Variants in SVEP1 observed in about 807,000 individuals in gnomAD.
SVEP1 encodes the protein sushi, von Willebrand factor type A, EGF and pentraxin domain-containing protein 1.
Under a neutral mutation model 367.3 loss-of-function variants are expected in SVEP1, and 164 were observed. That is an observed-to-expected ratio of 0.45 (90% CI 0.39 to 0.51). The LOEUF (loss-of-function observed/expected upper bound fraction) is 0.51, where lower values mean the gene tolerates loss of function less well. SVEP1 is among the 20% of genes least tolerant of loss of function. SVEP1 has a pLI of 0.00. For missense variants in SVEP1, 4,117 were observed against 4,425.3 expected (o/e 0.93, Z 1.98); for synonymous variants, 1,666 against 1,611.6 (o/e 1.03, Z -0.81).
At chr9:110,557,114 A>T (rs896414692) in intron 1 of SVEP1, among the ~76,000 whole-genome samples, 1 of 152,126 alleles carries the variant, frequency 6.6e-6, no homozygotes, top group Non-Finnish European at 1.5e-5. Context: ...AAGGCTGTTA[A>T]TGGTTTTATA....
chr9:110,471,313 C>T, intron 16 of SVEP1, 51 bp downstream of exon 16: 1 of 1,464,508 alleles, frequency 6.8e-7, no homozygotes, highest in Non-Finnish European at 9.5e-7. Flanking sequence ...ACACCCATCT[C>T]ATTTGACCCA....
intron 44 of SVEP1, 148 bp downstream of exon 44, chr9:110,379,199 A>G: frequency 1.1e-6 from 1 of 906,614 alleles, no homozygotes; most frequent in Non-Finnish European, 1.6e-6. Context: ...AAACCATAAC[A>G]TTAAAAGAAA....
chr9:110,442,035 A>T (rs1828516612), intron 27 of SVEP1, among the ~76,000 whole-genome samples: 1 of 152,130 alleles, frequency 6.6e-6, no homozygotes, highest in African/African-American at 2.4e-5. Flanking sequence ...ATCTTTTTCT[A>T]GCGCTTTCAA....
chr9:110,417,184 C>G (rs1288845740), intron 36 of SVEP1, among the ~76,000 whole-genome samples: 1 of 150,376 alleles, frequency 6.6e-6, no homozygotes, highest in African/African-American at 2.5e-5. Context: ...CGGGTGATTT[C>G]TGCATTTCCA....
chr9:110,476,082 C>T, intron 14 of SVEP1, 122 bp downstream of exon 14: 1 of 606,512 alleles, frequency 1.6e-6, no homozygotes, highest in Non-Finnish European at 2.9e-6. Context: ...ATTTAGCCAT[C>T]CTAAAATACT....
intron 1 of SVEP1, among the ~76,000 whole-genome samples, chr9:110,558,480 C>T (rs1830382021): frequency 7.0e-6 from 1 of 143,072 alleles, no homozygotes; most frequent in South Asian, 2.2e-4. Context: ...TGCCACTGCA[C>T]TCCAGCCTGG....
At chr9:110,470,995 G>A (rs570431317) in intron 16 of SVEP1, among the ~76,000 whole-genome samples, 39 of 152,072 alleles carry the variant, frequency 2.6e-4, no homozygotes, top group Non-Finnish European at 3.2e-4. Flanking sequence ...TTTCTCATCC[G>A]TAAAATGTGT....
At chr9:110,416,576 TGAGA>T (rs1828124459) in intron 36 of SVEP1, among the ~76,000 whole-genome samples, 1 of 151,548 alleles carries the variant, frequency 6.6e-6, no homozygotes, top group South Asian at 2.1e-4. Flanking sequence ...AAAGAGAAAG[TGAGA>T]AACAGAAAAT....
At chr9:110,373,816 A>C (rs1292698679) in intron 46 of SVEP1, among the ~76,000 whole-genome samples, 1 of 152,166 alleles carries the variant, frequency 6.6e-6, no homozygotes. Flanking sequence ...GGGATAGATA[A>C]TCAAGCAATT....
At position 110,460,929 on chromosome 9, in the gene SVEP1, C is replaced by T. The variant is rs554173499; in HGVS notation, c.3323-1816G>A. 7.9e-5 allele frequency among the ~76,000 whole-genome samples: 12 copies of T among 152,196 alleles called. No homozygotes were observed. The South Asian group carries it at 2.3e-3, about 29-fold the overall frequency. On this transcript the variant is annotated intron_variant, in intron 18 of 47. Transcript: ENST00000374469. ...GCTTGTGAATTACGTAAAAATAACT[C>T]TTTTCTTCCTCATGTGATGCTACTG...
At chr9:110,409,468 T>G (rs1294212141) in intron 37 of SVEP1, among the ~76,000 whole-genome samples, 1 of 151,840 alleles carries the variant, frequency 6.6e-6, no homozygotes, top group Non-Finnish European at 1.5e-5. Flanking sequence ...AATTAAGTAA[T>G]CCCCACTGCA....
At chr9:110,543,494 C>T (rs150578368) in intron 3 of SVEP1, among the ~76,000 whole-genome samples, 60 of 152,306 alleles carry the variant, frequency 3.9e-4, no homozygotes, top group African/African-American at 1.4e-3. Context: ...GACTGCTGCG[C>T]CTTTCATCCT....
chr9:110,484,047 A>G (rs1829240082), intron 9 of SVEP1, among the ~76,000 whole-genome samples: 1 of 152,182 alleles, frequency 6.6e-6, no homozygotes, highest in African/African-American at 2.4e-5. Context: ...CATTCCAGAC[A>G]AGCTGAAGGA....
chr9:110,431,497 AG>A (rs1828348157), intron 32 of SVEP1, among the ~76,000 whole-genome samples: 1 of 152,192 alleles, frequency 6.6e-6, no homozygotes, highest in African/African-American at 2.4e-5. Context: ...TGGGGAGGCA[AG>A]ATGTCTATTT....
At chr9:110,376,413 A>G (rs1827352088) in intron 45 of SVEP1, among the ~76,000 whole-genome samples, 1 of 152,262 alleles carries the variant, frequency 6.6e-6, no homozygotes, top group Non-Finnish European at 1.5e-5. Flanking sequence ...GAGCTGGAAG[A>G]GAAAAGTGTG....
At chr9:110,433,778 G>T (rs1341799934) in intron 30 of SVEP1, among the ~76,000 whole-genome samples, 1 of 151,896 alleles carries the variant, frequency 6.6e-6, no homozygotes, top group African/African-American at 2.4e-5. Context: ...GCCACACTTT[G>T]TATTTTCCTA....
chr9:110,425,767 G>T (rs1199405980), intron 36 of SVEP1, among the ~76,000 whole-genome samples: 6 of 152,100 alleles, frequency 3.9e-5, no homozygotes, highest in Non-Finnish European at 7.4e-5. Context: ...TTTGTGAAGA[G>T]GAAAAGGTAT....
chr9:110,390,064 A>AGTATATATATATACGTGTATATATAC (rs1827610350), intron 40 of SVEP1, among the ~76,000 whole-genome samples: 2 of 118,052 alleles, frequency 1.7e-5, no homozygotes, highest in African/African-American at 6.0e-5. Context: ...TATATATATA[A>AGTATATATATATACGTGTATATATAC]GTATATATAT....
At chr9:110,502,460 T>C (rs1564160954) in intron 6 of SVEP1, among the ~76,000 whole-genome samples, 1 of 152,284 alleles carries the variant, frequency 6.6e-6, no homozygotes, top group East Asian at 1.9e-4. Context: ...TTTATTACTT[T>C]ATTTAAAGCT....
Sources: gnomAD v4.1 joint callset for allele counts (sites outside exome capture counted in the v4.1 genomes callset) on GRCh38, gnomAD v4.1.1 for gene constraint, MANE v1.5 for transcripts, NCBI Gene and HGNC (gene_info 2026-07-23, HGNC 2026-07-21) for gene names.